The following IL1RL2 variants were observed in gnomAD, a reference collection of about 807,000 sequenced individuals.
IL1RL2 encodes interleukin-1 receptor-like 2.
IL1RL2 carries 68 observed loss-of-function variants against 66.8 expected under a neutral mutation model. That is an observed-to-expected ratio of 1.02 (90% CI 0.84 to 1.25). The LOEUF is 1.25. Among genes scored for constraint, IL1RL2 ranks in the 50% most tolerant of loss-of-function variants. IL1RL2 has a pLI of 0.00. For synonymous variants in IL1RL2, 305 were observed against 264.6 expected, an observed-to-expected ratio of 1.15 and a Z score of -1.48; for missense variants, 729 against 709.3, an observed-to-expected ratio of 1.03 and a Z score of -0.32.
chr2:102,206,713 C>T (rs1280558241), intron 5 of IL1RL2, among the ~76,000 whole-genome samples: 1 of 152,198 alleles, frequency 6.6e-6, no homozygotes, highest in Non-Finnish European at 1.5e-5. Flanking sequence ...TGCCCAAGGC[C>T]TGCTTTACCC....
chr2:102,215,724 C>T (rs1057304467), intron 6 of IL1RL2, among the ~76,000 whole-genome samples: 2 of 152,190 alleles, frequency 1.3e-5, no homozygotes, highest in African/African-American at 4.8e-5. Context: ...CAAACTCCTG[C>T]AGCCTAGGCC....
rs376969801 is a variant in IL1RL2 at position 102,212,209 on chromosome 2, G to C, written c.724+35G>C. Reference sequence around the variant, plus strand: ...ATTATTGAAGCCATTGAAATCACCAGGGGAAGAGCTCATTATGTTTGCATA... The same window carrying C: ...ATTATTGAAGCCATTGAAATCACCACGGGAAGAGCTCATTATGTTTGCATA... On this transcript the variant is annotated intron_variant, in intron 6 of 11. Transcript: ENST00000264257. 3 of 1,394,368 alleles carry C rather than the reference G, an allele frequency of 2.2e-6. No individual in the cohort carries two copies. The African/African-American group carries it at 4.3e-5, about 20-fold the overall frequency. The allele number at this position is 1,394,368 out of a possible 1,614,324, so 86.4% of individuals were successfully genotyped here.
At chr2:102,214,500 A>G (rs987795666) in intron 6 of IL1RL2, among the ~76,000 whole-genome samples, 6 of 152,224 alleles carry the variant, frequency 3.9e-5, no homozygotes, top group Non-Finnish European at 5.9e-5. Flanking sequence ...ACTTGCCTAC[A>G]TGATTAAAAA....
chr2:102,195,933 CA>C (rs1687746385), intron 4 of IL1RL2, among the ~76,000 whole-genome samples: 1 of 151,926 alleles, frequency 6.6e-6, no homozygotes, highest in African/African-American at 2.4e-5. Context: ...CAGGCTGTCT[CA>C]AACTACTGAC....
chr2:102,218,372 T>C (rs912641819), intron 6 of IL1RL2, among the ~76,000 whole-genome samples: 10 of 152,192 alleles, frequency 6.6e-5, no homozygotes, highest in African/African-American at 2.2e-4. Context: ...ACTGAGACTA[T>C]AAATTGATGA....
chr2:102,239,403 G>A lies in IL1RL2; in HGVS notation c.*162G>A, dbSNP rs1675137553. The stretch of plus-strand genomic sequence containing the variant: ...AGAGGAGGATGGGATAAGAACTGGG[G>A]CCATCCCCATGTCATGGTGGGTGAG... On this transcript the variant is annotated 3_prime_UTR_variant, in exon 12 of 12. Coordinates refer to ENST00000264257, the MANE Select transcript of IL1RL2 (RefSeq NM_003854.4). 13 of 645,798 alleles carry A rather than the reference G, an allele frequency of 2.0e-5. No homozygotes were observed. The South Asian group carries it at 2.0e-4, about 10-fold the overall frequency. The allele number at this position is 645,798 out of a possible 1,614,324, so 40.0% of individuals were successfully genotyped here.
chr2:102,239,183 T>C lies in IL1RL2; in HGVS notation c.1679-9T>C, dbSNP rs775943664. ...AGAAAAGGAGTAAATAGATCTTTCC[T>C]GATTTCAGGCCCAGAACTAGGCTCA... On this transcript the variant is annotated splice_polypyrimidine_tract_variant and intron_variant, in intron 11 of 11. Coordinates refer to ENST00000264257, the MANE Select transcript of IL1RL2 (RefSeq NM_003854.4). The C allele has an allele frequency of 4.3e-6, 7 of 1,613,740 alleles. No individual in the cohort carries two copies. The highest frequency in any genetic ancestry group is 5.9e-6 in the Non-Finnish European group (7 of 1,179,674).
At chr2:102,231,512 AAAAT>A (rs1691128230) in intron 9 of IL1RL2, among the ~76,000 whole-genome samples, 8 of 78,876 alleles carry the variant, frequency 1.0e-4, no homozygotes, top group African/African-American at 7.4e-4. Context: ...ATAAAATAAA[AAAAT>A]AAAATAAAAT....
intron 8 of IL1RL2, among the ~76,000 whole-genome samples, chr2:102,223,172 G>A (rs994622902): frequency 2.0e-5 from 3 of 152,100 alleles, no homozygotes; most frequent in African/African-American, 4.8e-5. Context: ...GAGTATTTTG[G>A]TTCTGTTGAC....
downstream of IL1RL2, among the ~76,000 whole-genome samples, chr2:102,241,757 G>C (rs1432109257): frequency 6.6e-6 from 1 of 152,182 alleles, no homozygotes; most frequent in African/African-American, 2.4e-5. Context: ...AACCCACCCA[G>C]GGGTAACACA....
At chr2:102,232,547 A>G (rs532017707) in intron 9 of IL1RL2, among the ~76,000 whole-genome samples, 4 of 152,272 alleles carry the variant, frequency 2.6e-5, no homozygotes, top group Admixed American at 1.3e-4. Context: ...GCTAGTCTTG[A>G]ATTCCTGGCC....
rs191176704 is a variant in IL1RL2, at chr2:102,200,050, G to A, written c.490-1506G>A. Among the ~76,000 whole-genome samples, 161 of 151,248 alleles carry A rather than the reference G, an allele frequency of 1.1e-3. 4 individuals are homozygous for A. In the East Asian group the frequency reaches 0.025, roughly 23 times the overall value. On this transcript the variant is annotated intron_variant, in intron 4 of 11. Transcript: ENST00000264257. Reference sequence around the variant, plus strand: ...CACGTACCTGTAGTCCCAGCTACTCGGGAGGCTGGAGTGGGAGGATCCCCC... The same window carrying A: ...CACGTACCTGTAGTCCCAGCTACTCAGGAGGCTGGAGTGGGAGGATCCCCC...
rs576944040 is a variant in IL1RL2 at position 102,224,604 on chromosome 2, A to C, written c.992-1294A>C. 3.9e-5 allele frequency among the ~76,000 whole-genome samples: 6 copies of C among 152,318 alleles called. No individual in the cohort carries two copies. In the South Asian group the frequency reaches 6.2e-4, roughly 16 times the overall value. On this transcript the variant is annotated intron_variant, in intron 8 of 11. Transcript: ENST00000264257. ...AAGCGGGGATAAAGAGAGGTTGGTT[A>C]ATGGGTAAAAGAAAAAAATACAGTT... is the stretch of plus-strand genomic sequence containing the variant.
rs1578204569 is a variant in IL1RL2 at position 102,234,971 on chromosome 2, G to T, written c.1372G>T (p.Gly458Cys). 6.2e-7 allele frequency: 1 copy of T among 1,614,148 alleles called. No individual in the cohort carries two copies. The highest frequency in any genetic ancestry group is 2.2e-5 in the East Asian group (1 of 44,878). ...TGTCATTGTGGTCCCCGAATCGCTG[G>T]GCTTTGGCCTGTTGAAGAACCTGTC... The part of the protein sequence containing the change: ...LIVIVVPESL[G>C]FGLLKNLSEE... The change falls in exon 11 of 12, where the codon GGC becomes TGC. Residue 458 changes from glycine to cysteine, a missense_variant. Physicochemically the swap from Gly to Cys is radical, Grantham distance 159. Transcript: ENST00000264257.
intron 4 of IL1RL2, among the ~76,000 whole-genome samples, chr2:102,193,747 C>T (rs531940864): frequency 6.6e-6 from 1 of 152,112 alleles, no homozygotes; most frequent in East Asian, 1.9e-4. Context: ...TAAAATGTAC[C>T]TTTTTATTTT....
At chr2:102,195,740 G>A (rs531573381) in intron 4 of IL1RL2, among the ~76,000 whole-genome samples, 1 of 134,900 alleles carries the variant, frequency 7.4e-6, no homozygotes, top group South Asian at 2.4e-4. Flanking sequence ...TTCAGATGGA[G>A]TCTCAGTCTC....
chr2:102,191,811 C>A, intron 3 of IL1RL2, 114 bp from the exon 4 acceptor site: 1 of 688,312 alleles, frequency 1.5e-6, no homozygotes, highest in East Asian at 3.0e-5. Flanking sequence ...TTGTTAGAGG[C>A]AGAGGGTTTG....
rs1690553419 is a variant in IL1RL2 at position 102,225,863 on chromosome 2, T to C, written c.992-35T>C. 3 of 1,439,204 alleles carry C rather than the reference T, an allele frequency of 2.1e-6. No individual in the cohort carries two copies. In the East Asian group the frequency reaches 7.7e-5, roughly 37 times the overall value. The allele number at this position is 1,439,204 out of a possible 1,614,324, so 89.2% of individuals were successfully genotyped here. On this transcript the variant is annotated intron_variant, in intron 8 of 11. Coordinates refer to ENST00000264257, the MANE Select transcript of IL1RL2 (RefSeq NM_003854.4). ...GGACTCTTTGTTTCATTATTATAAT[T>C]ATAATTATTATTATTTTTTTGCTGT...
chr2:102,231,263 T>C (rs1038969386), intron 9 of IL1RL2, among the ~76,000 whole-genome samples: 7 of 152,166 alleles, frequency 4.6e-5, no homozygotes, highest in Admixed American at 4.6e-4. Context: ...CTCACTTTTT[T>C]CCCCTCAACT....
Sources: allele counts gnomAD v4.1 joint callset (sites outside exome capture counted in the v4.1 genomes callset), GRCh38; gene constraint gnomAD v4.1.1; transcripts MANE v1.5; gene names NCBI Gene and HGNC (gene_info 2026-07-23, HGNC 2026-07-21).